RTL9: variants seen among roughly 807,000 people sequenced by gnomAD.
The protein encoded by RTL9 is retrotransposon Gag like 9.
RTL9 carries 19 observed loss-of-function variants against 44.7 expected under a neutral mutation model. The ratio of observed to expected loss-of-function variants is 0.42; its 90% confidence interval spans 0.30 to 0.62. The LOEUF (loss-of-function observed/expected upper bound fraction) is 0.62, where lower values mean the gene tolerates loss of function less well. Ranked by LOEUF, RTL9 falls within the 20% of genes least tolerant of loss-of-function variation. The pLI is 0.16. For synonymous variants in RTL9, 407 were observed against 398.9 expected (o/e 1.02, Z -0.24); for missense variants, 1,105 against 1,080.6 (o/e 1.02, Z -0.32).
At chrX:110,399,289 T>C (rs763772610) in intron 1 of RTL9, among the ~76,000 whole-genome samples, 1 of 112,398 alleles carries the variant, frequency 8.9e-6, no homozygotes, top group Non-Finnish European at 1.9e-5. Flanking sequence ...TGCAGAAGCC[T>C]AGGCTCAGTG....
chrX:110,425,149 T>A (rs2068744729), intron 1 of RTL9, among the ~76,000 whole-genome samples: 1 of 112,177 alleles, frequency 8.9e-6, no homozygotes, highest in South Asian at 3.7e-4. Flanking sequence ...AAAATTAAAA[T>A]CAAGGTTAAT....
intron 1 of RTL9, among the ~76,000 whole-genome samples, chrX:110,375,505 G>A (rs1042279523): frequency 9.0e-5 from 10 of 111,268 alleles, no homozygotes; most frequent in African/African-American, 3.3e-4. Flanking sequence ...GGCCTAGAAC[G>A]TAGTAGGGGC....
chrX:110,358,988 C>G (rs2068245059), intron 1 of RTL9, 72 bp downstream of exon 1: 1 of 112,011 alleles, frequency 8.9e-6, no homozygotes, highest in African/African-American at 3.2e-5. Flanking sequence ...CTGGTCTGCA[C>G]TGCTCTAAGT....
chrX:110,426,318 C>T (rs141129994), intron 1 of RTL9, among the ~76,000 whole-genome samples: 95 of 111,748 alleles, frequency 8.5e-4, no homozygotes, highest in African/African-American at 2.7e-3. Flanking sequence ...AACCCTCCCA[C>T]GATACAAAAG....
At chrX:110,385,130 A>G (rs1437744364) in intron 1 of RTL9, among the ~76,000 whole-genome samples, 1 of 111,191 alleles carries the variant, frequency 9.0e-6, no homozygotes, top group African/African-American at 3.3e-5. Context: ...CAGCTCCACC[A>G]CCAACTAGCT....
chrX:110,360,615 G>T (rs892164873), intron 1 of RTL9, among the ~76,000 whole-genome samples: 2 of 111,989 alleles, frequency 1.8e-5, no homozygotes, highest in Admixed American at 9.4e-5. Flanking sequence ...AAATTTTCAA[G>T]TTTAAGCAAA....
At chrX:110,445,702 C>T (rs1042280567), upstream of RTL9, among the ~76,000 whole-genome samples, 3 of 111,783 alleles carry the variant, frequency 2.7e-5, no homozygotes, top group African/African-American at 6.5e-5. Context: ...CATATTGAAC[C>T]GTCTCTTGTT....
intron 1 of RTL9, among the ~76,000 whole-genome samples, chrX:110,360,921 C>G (rs962363565): frequency 4.5e-5 from 5 of 111,568 alleles, no homozygotes; most frequent in Non-Finnish European, 7.5e-5. Context: ...GGCTTGAAGC[C>G]TAAGATATCT....
chrX:110,384,590 C>A (rs915955338), intron 1 of RTL9, among the ~76,000 whole-genome samples: 4 of 111,139 alleles, frequency 3.6e-5, no homozygotes, highest in African/African-American at 9.8e-5. Context: ...ACTTGAGGAT[C>A]AAGGGAATCC....
chrX:110,402,968 A>G (rs1239331010), intron 1 of RTL9, among the ~76,000 whole-genome samples: 1 of 112,099 alleles, frequency 8.9e-6, no homozygotes, highest in Non-Finnish European at 1.9e-5. Flanking sequence ...GTTAGCCCCT[A>G]CGTGAAGCTG....
chrX:110,440,799 A>G (rs770715335), intron 1 of RTL9, among the ~76,000 whole-genome samples: 9 of 112,584 alleles, frequency 8.0e-5, no homozygotes, highest in African/African-American at 2.6e-4. Context: ...AAAAATCAAC[A>G]GAGAAGAGCA....
At chrX:110,416,063 G>C (rs913248103), upstream of RTL9, among the ~76,000 whole-genome samples, 1 of 110,717 alleles carries the variant, frequency 9.0e-6, no homozygotes, top group African/African-American at 3.3e-5. Flanking sequence ...GCCTTAATTG[G>C]GTGCTTACTC....
chrX:110,401,219 G>A (rs1052741378), intron 1 of RTL9, among the ~76,000 whole-genome samples: 3 of 111,688 alleles, frequency 2.7e-5, no homozygotes, highest in African/African-American at 9.8e-5. Context: ...CTTGCACTGT[G>A]CACTCTTCCC....
intron 1 of RTL9, among the ~76,000 whole-genome samples, chrX:110,384,662 A>G (rs2068442762): frequency 9.0e-6 from 1 of 111,355 alleles, no homozygotes; most frequent in East Asian, 2.8e-4. Context: ...TCCATTCTGT[A>G]TCATGGCTCA....
chrX:110,413,083 C>G (rs773091438), intron 1 of RTL9, among the ~76,000 whole-genome samples: 2 of 111,571 alleles, frequency 1.8e-5, no homozygotes, highest in African/African-American at 6.5e-5. Flanking sequence ...GTCATCTGTC[C>G]TCTCCCATAC....
At chrX:110,442,678 T>C (rs2068889276) in intron 1 of RTL9, among the ~76,000 whole-genome samples, 1 of 111,956 alleles carries the variant, frequency 8.9e-6, no homozygotes, top group African/African-American at 3.3e-5. Context: ...GTGTACTGGA[T>C]GGACTAAGCC....
In RTL9 at chrX:110,451,704, A is replaced by C. The variant is rs775201044; in HGVS notation, c.1087A>C (p.Thr363Pro). 1.1e-5 allele frequency: 13 copies of C among 1,208,735 alleles called. No homozygotes were observed. The African/African-American group carries it at 2.1e-4, about 20-fold the overall frequency. The stretch of plus-strand genomic sequence containing the variant: ...ACCCTCTGGAGTGATGCCCACCCAA[A>C]CGATGCCAGCCCCAGGCTCTGGGGC... Residue 363 changes from threonine (T) to proline (P), a missense_variant, in exon 1 of 2, where the codon ACG (threonine) becomes CCG (proline). Thr to Pro is a conservative substitution (Grantham distance 38). Transcript: ENST00000540313.
At chrX:110,395,212 G>T (rs1450713964) in intron 1 of RTL9, among the ~76,000 whole-genome samples, 2 of 112,021 alleles carry the variant, frequency 1.8e-5, no homozygotes, top group East Asian at 5.6e-4. Context: ...ACACCAGAGG[G>T]TCTCCACTTC....
In RTL9 at chrX:110,360,502, G is replaced by A. The variant is rs139876390; in HGVS notation, c.-168+1586G>A. On this transcript the variant is annotated intron_variant, in intron 1 of 2. Transcript: ENST00000520821. Reference sequence around the variant, plus strand: ...ATTGATAGTAATAGAGACAGAGAATGGTGGACAGAATTGAGTTATATTTTG... The same window carrying A: ...ATTGATAGTAATAGAGACAGAGAATAGTGGACAGAATTGAGTTATATTTTG... 5.3e-3 allele frequency among the ~76,000 whole-genome samples: 586 copies of A among 111,529 alleles called. 4 individuals carry two copies. The highest frequency in any genetic ancestry group is 0.017 in the African/African-American group (521 of 30,736).
Sources: allele counts gnomAD v4.1 joint callset (sites outside exome capture counted in the v4.1 genomes callset), GRCh38; gene constraint gnomAD v4.1.1; transcripts MANE v1.5; gene names NCBI Gene and HGNC (gene_info 2026-07-23, HGNC 2026-07-21).